Variants in TMEM52 observed in about 807,000 individuals in gnomAD.
TMEM52 encodes transmembrane protein 52.
In TMEM52, 14 loss-of-function variants were observed where a neutral mutation model predicts 16.2. That is an observed-to-expected ratio of 0.87 (90% CI 0.57 to 1.35). The LOEUF (loss-of-function observed/expected upper bound fraction) is 1.35, where lower values mean the gene tolerates loss of function less well. Among genes scored for constraint, TMEM52 ranks in the 40% most tolerant of loss-of-function variants. The probability of loss-of-function intolerance (pLI) is 0.00; values close to 1 mark genes in which losing one functional copy is unlikely to be tolerated. For missense variants in TMEM52, 309 were observed against 278.6 expected (o/e 1.11, Z -0.78); for synonymous variants, 136 against 124.7 (o/e 1.09, Z -0.60).
chr1:1,919,170 C>T lies in TMEM52; in HGVS notation c.84+12G>A, dbSNP rs1234333829. ...CGGTGGCCGAACCGAGAGAGAACGC[C>T]GCCCGACCCACCTGCGGCAGCGGCA... On this transcript the variant is annotated intron_variant, in intron 1 of 4. Transcript: ENST00000310991. The T allele has an allele frequency of 2.2e-6, 3 of 1,372,270 alleles. No homozygotes were observed. The highest frequency in any genetic ancestry group is 1.5e-5 in the African/African-American group (1 of 65,762). The allele number at this position is 1,372,270 out of a possible 1,614,324, so 85.0% of individuals were successfully genotyped here.
At chr1:1,918,525 A>T (rs1448714348) in intron 3 of TMEM52, 94 bp from the exon 4 acceptor site, 1 of 1,095,692 alleles carries the variant, frequency 9.1e-7, no homozygotes, top group East Asian at 2.6e-5. Context: ...AAGACAGGTT[A>T]ACAGGATAAA....
rs1651253133 is a variant in TMEM52, at chr1:1,919,117, G to A, written c.85-29C>T. ...TGGGGACAAGGGTGAGCCCGGGAGG[G>A]GCGTGGTCCGAGCAGGGACCCGCCC... On this transcript the variant is annotated intron_variant, in intron 1 of 4. Coordinates refer to ENST00000310991, the MANE Select transcript of TMEM52 (RefSeq NM_178545.4). The A allele has an allele frequency of 4.4e-6, 6 of 1,354,760 alleles. No individual in the cohort carries two copies. In the African/African-American group the frequency reaches 9.1e-5, roughly 21 times the overall value. The allele number at this position is 1,354,760 out of a possible 1,614,324, so 83.9% of individuals were successfully genotyped here.
Position 1,917,787 on chromosome 1 carries a change from T to G in TMEM52, c.*95A>C. The G allele has an allele frequency of 7.2e-7, 1 of 1,388,698 alleles. No individual in the cohort carries two copies. Among genetic ancestry groups the G allele is most frequent in the Non-Finnish European group, 9.9e-7 (1 of 1,009,336 alleles). The allele number at this position is 1,388,698 out of a possible 1,614,324, so 86.0% of individuals were successfully genotyped here. ...GGGCCGGTGTAACATGGCACCGAGGTTGGGGCCACAGCAATGTGTGGGACG... is the reference window on the plus strand; with the variant it reads ...GGGCCGGTGTAACATGGCACCGAGGGTGGGGCCACAGCAATGTGTGGGACG... On this transcript the variant is annotated 3_prime_UTR_variant, in exon 5 of 5. Transcript: ENST00000310991.
chr1:1,918,444 G>A lies in TMEM52; in HGVS notation c.171-13C>T, dbSNP rs766807720. 9 of 1,607,944 alleles carry A rather than the reference G, an allele frequency of 5.6e-6. No homozygotes were observed. Among genetic ancestry groups the A allele is most frequent in the Non-Finnish European group, 7.6e-6 (9 of 1,177,526 alleles). On this transcript the variant is annotated splice_polypyrimidine_tract_variant and intron_variant, in intron 3 of 4. Transcript: ENST00000310991. ...CAGCAGGATGAGCCTAGGAGAGCAAGGCTCTACCACTGGACTGACCCTCGG... is the reference window on the plus strand; with the variant it reads ...CAGCAGGATGAGCCTAGGAGAGCAAAGCTCTACCACTGGACTGACCCTCGG...
rs370076833 is a variant in TMEM52, at chr1:1,918,269, T to C, written c.333A>G (p.Val111=). The change falls in exon 4 of 5, where the codon GTA becomes GTG. Residue 111 remains valine (V), a synonymous_variant. Coordinates refer to ENST00000310991, the MANE Select transcript of TMEM52 (RefSeq NM_178545.4). ...AVIPMDSDSP[V]HSTVTSYSSV... is the part of the protein sequence containing the mutation. ...GGCACTCACAGGTCACAGTGCTGTG[T>C]ACAGGGCTGTCACTGTCCATAGGGA... 202 of 1,612,624 alleles carry C rather than the reference T, an allele frequency of 1.3e-4. No individual in the cohort carries two copies. Among genetic ancestry groups the C allele is most frequent in the Non-Finnish European group, 1.6e-4 (191 of 1,179,914 alleles).
intron 3 of TMEM52, chr1:1,918,641 T>C: frequency 1.4e-6 from 1 of 704,836 alleles, no homozygotes. Flanking sequence ...GGGGTGGCCT[T>C]GGGCTCACTC....
Position 1,919,085 on chromosome 1 carries a change from C to T in TMEM52, c.88G>A (p.Ala30Thr), listed in dbSNP as rs1019131837. Residue 30 changes from alanine to threonine, a missense_variant, in exon 2 of 5, where the codon GCG (alanine) becomes ACG (threonine). Coordinates refer to ENST00000310991, the MANE Select transcript of TMEM52 (RefSeq NM_178545.4). Reference sequence around the variant, plus strand: ...CAGCTGCCGTCCGCGAAGCCCAGCGCCACCTGTGGGGACAAGGGTGAGCCC... The same window carrying T: ...CAGCTGCCGTCCGCGAAGCCCAGCGTCACCTGTGGGGACAAGGGTGAGCCC... ...LLPLLPLPQV[A>T]LGFADGSCDP... 1.5e-6 allele frequency: 2 copies of T among 1,344,656 alleles called. No individual in the cohort carries two copies. The highest frequency in any genetic ancestry group is 1.9e-6 in the Non-Finnish European group (2 of 1,052,272). The allele number at this position is 1,344,656 out of a possible 1,614,324, so 83.3% of individuals were successfully genotyped here.
rs1233729039 is a variant in TMEM52, at chr1:1,917,928, G to A, written c.584C>T (p.Ser195Leu). The A allele has an allele frequency of 6.8e-6, 11 of 1,613,684 alleles. No homozygotes were observed. The African/African-American group carries it at 8.0e-5, about 12-fold the overall frequency. ...AGGTGGTAGTTGAGTATTGGGGCCC[G>A]ACTCCTGGGGCACTGGAGTGGTCTC... ...GLETTPVPQE[S>L]GPNTQLPPCS... The change falls in exon 5 of 5, where the codon TCG becomes TTG. Residue 195 changes from serine (S) to leucine (L), a missense_variant. By Grantham distance (145) the Ser-to-Leu change is moderately radical. Transcript: ENST00000310991.
intron 1 of TMEM52, 47 bp from the exon 2 acceptor site, chr1:1,919,135 A>G: frequency 2.2e-6 from 3 of 1,358,422 alleles, no homozygotes; most frequent in Non-Finnish European, 2.8e-6. Context: ...CCGAGCAGGG[A>G]CCCGCCCCGC....
In TMEM52 at chr1:1,919,033, C is replaced by G; in HGVS notation, c.128+12G>C. 1.5e-6 allele frequency: 2 copies of G among 1,338,248 alleles called. No individual in the cohort carries two copies. Among genetic ancestry groups the G allele is most frequent in the Non-Finnish European group, 1.9e-6 (2 of 1,048,976 alleles). The allele number at this position is 1,338,248 out of a possible 1,614,324, so 82.9% of individuals were successfully genotyped here. On this transcript the variant is annotated intron_variant, in intron 2 of 4. Coordinates refer to ENST00000310991, the MANE Select transcript of TMEM52 (RefSeq NM_178545.4). The stretch of plus-strand genomic sequence containing the variant: ...GCGGGGCCAGGCCCCGGCTCCCTCC[C>G]CCCCGACTTACTGGTCCGAGGGGTC...
In TMEM52 at chr1:1,917,729, G is replaced by T; in HGVS notation, c.*153C>A. ...TGGGGCTGGGCCAGGGGCTGAGGCT[G>T]AAAGCAGCAGCCTGCCTAGTGGGTG... is the stretch of plus-strand genomic sequence containing the variant. On this transcript the variant is annotated 3_prime_UTR_variant, in exon 5 of 5. Transcript: ENST00000310991. 1 of 915,322 alleles carries T rather than the reference G, an allele frequency of 1.1e-6. No homozygotes were observed. The highest frequency in any genetic ancestry group is 1.7e-6 in the Non-Finnish European group (1 of 601,478). 56.7% of individuals were successfully genotyped at this position (915,322 alleles called of 1,614,324 possible).
chr1:1,917,875 A>G lies in TMEM52; in HGVS notation c.*7T>C. Reference sequence around the variant, plus strand: ...TCTCCAAGCTCTGGTCCGTTCTCCTACCTCCTTCAAGGGGCACCAGGGCTA... The same window carrying G: ...TCTCCAAGCTCTGGTCCGTTCTCCTGCCTCCTTCAAGGGGCACCAGGGCTA... On this transcript the variant is annotated 3_prime_UTR_variant, in exon 5 of 5. Transcript: ENST00000310991. The G allele has an allele frequency of 6.2e-7, 1 of 1,611,250 alleles. No homozygotes were observed. Among genetic ancestry groups the G allele is most frequent in the Non-Finnish European group, 8.5e-7 (1 of 1,178,452 alleles).
chr1:1,918,093 G>C lies in TMEM52; in HGVS notation c.419C>G (p.Ser140Cys), dbSNP rs371419881. The C allele has an allele frequency of 6.2e-7, 1 of 1,613,188 alleles. No individual in the cohort carries two copies. The highest frequency in any genetic ancestry group is 1.1e-5 in the South Asian group (1 of 91,062). Residue 140 changes from serine (S) to cysteine (C), a missense_variant, in exon 5 of 5, where the codon TCC (serine) becomes TGC (cysteine). Physicochemically the swap from Ser to Cys is moderately radical, Grantham distance 112. Transcript: ENST00000310991. ...PLPFGELDLD[S>C]MAPPAYSLYT... ...CAGGCTGTAGGCAGGAGGAGCCATG[G>C]AGTCCAGGTCCAGCTCCCCAAAGGG...
At chr1:1,918,809 G>A (rs943045671) in intron 3 of TMEM52, 84 bp downstream of exon 3, 1 of 1,438,736 alleles carries the variant, frequency 7.0e-7, no homozygotes, top group Non-Finnish European at 9.2e-7. Context: ...GCGGCCTGGT[G>A]AGGTAAGGGC....
In TMEM52 at chr1:1,917,926, C is replaced by A. The variant is rs200346302; in HGVS notation, c.586G>T (p.Gly196Cys). 3.1e-6 allele frequency: 5 copies of A among 1,613,804 alleles called. No homozygotes were observed. The highest frequency in any genetic ancestry group is 1.6e-4 in the Middle Eastern group (1 of 6,062). ...CAAGGTGGTAGTTGAGTATTGGGGCCCGACTCCTGGGGCACTGGAGTGGTC... is the reference window on the plus strand; with the variant it reads ...CAAGGTGGTAGTTGAGTATTGGGGCACGACTCCTGGGGCACTGGAGTGGTC... Reference protein sequence around the residue: ...LETTPVPQESGPNTQLPPCSP... With the variant: ...LETTPVPQESCPNTQLPPCSP... Residue 196 changes from glycine to cysteine, a missense_variant, in exon 5 of 5, where the codon GGC becomes TGC. By Grantham distance (159) the Gly-to-Cys change is radical. Coordinates refer to ENST00000310991, the MANE Select transcript of TMEM52 (RefSeq NM_178545.4).
chr1:1,919,231 C>T lies in TMEM52; in HGVS notation c.35G>A (p.Arg12Gln), dbSNP rs1651261218. The T allele has an allele frequency of 3.1e-5, 43 of 1,366,288 alleles. No homozygotes were observed. The highest frequency in any genetic ancestry group is 4.0e-5 in the Admixed American group (1 of 24,916). The allele number at this position is 1,366,288 out of a possible 1,614,324, so 84.6% of individuals were successfully genotyped here. A position where few individuals can be genotyped will look rare whatever the true frequency, so the allele number is the denominator to read the frequency against. ...GAGCGGCAGGAGCGGCAGCAGCAGCCGCAGTCCGCGGGCGGCCAGCGGCCC... is the reference window on the plus strand; with the variant it reads ...GAGCGGCAGGAGCGGCAGCAGCAGCTGCAGTCCGCGGGCGGCCAGCGGCCC... ...ARGPLAARGL[R>Q]LLLPLLPLLP... Residue 12 changes from arginine to glutamine, a missense_variant, in exon 1 of 5, where the codon CGG becomes CAG. Transcript: ENST00000310991.
intron 3 of TMEM52, 43 bp from the exon 4 acceptor site, chr1:1,918,474 C>T (rs777984913): frequency 2.0e-5 from 30 of 1,527,424 alleles, no homozygotes; most frequent in East Asian, 4.7e-5. Flanking sequence ...CCTCGGCCAC[C>T]GGGCACCTGC....
Position 1,919,088 on chromosome 1 carries a change from C to A in TMEM52, c.85G>T (p.Val29Leu). ...PLLPLLPLPQVALGFADGSCD... is the reference protein window; with the variant it reads ...PLLPLLPLPQLALGFADGSCD... ...CTGCCGTCCGCGAAGCCCAGCGCCA[C>A]CTGTGGGGACAAGGGTGAGCCCGGG... The change falls in exon 2 of 5, where the codon GTG (valine) becomes TTG (leucine). Residue 29 changes from valine (V) to leucine (L), a missense_variant and splice_region_variant. By Grantham distance (32) the Val-to-Leu change is conservative. Transcript: ENST00000310991. 1 of 1,346,286 alleles carries A rather than the reference C, an allele frequency of 7.4e-7. No homozygotes were observed. The highest frequency in any genetic ancestry group is 1.9e-5 in the South Asian group (1 of 52,420). The allele number at this position is 1,346,286 out of a possible 1,614,324, so 83.4% of individuals were successfully genotyped here.
At chr1:1,918,836 C>T in intron 3 of TMEM52, 57 bp downstream of exon 3, 1 of 1,485,318 alleles carries the variant, frequency 6.7e-7, no homozygotes, top group Non-Finnish European at 8.9e-7. Flanking sequence ...GGCCTGGCCC[C>T]GGTGACCCCC....
Sources: allele counts gnomAD v4.1 joint callset, GRCh38; gene constraint gnomAD v4.1.1; transcripts MANE v1.5; gene names NCBI Gene and HGNC (gene_info 2026-07-23, HGNC 2026-07-21).